ADCY3: variants seen among roughly 807,000 people sequenced by gnomAD.
ADCY3 encodes adenylate cyclase 3, also known as adenylate cyclase type 3.
ADCY3 carries 70 observed loss-of-function variants against 119.4 expected under a neutral mutation model. The ratio of observed to expected loss-of-function variants is 0.59; its 90% confidence interval spans 0.48 to 0.72. The LOEUF is 0.72. Among genes scored for constraint, ADCY3 ranks in the 30% least tolerant of loss-of-function variants. The pLI, the probability that ADCY3 is intolerant of heterozygous loss-of-function variation, is 0.00. For synonymous variants in ADCY3, 672 were observed against 621.4 expected, an observed-to-expected ratio of 1.08 and a Z score of -1.21; for missense variants, 1,238 against 1,541.6, an observed-to-expected ratio of 0.80 and a Z score of 3.30.
At chr2:24,877,791 C>CA (rs1334337501) in intron 2 of ADCY3, 1 of 438,752 alleles carries the variant, frequency 2.3e-6, no homozygotes, top group Non-Finnish European at 4.7e-6. Context: ...GACCACCAGA[C>CA]AGAGAGGGAA....
chr2:24,860,244 C>T (rs1336340256), intron 3 of ADCY3, among the ~76,000 whole-genome samples: 1 of 152,192 alleles, frequency 6.6e-6, no homozygotes, highest in Non-Finnish European at 1.5e-5. Context: ...GCTTAGCAAC[C>T]CTCAAGGTCC....
chr2:24,885,897 C>T (rs1676967192), intron 2 of ADCY3, among the ~76,000 whole-genome samples: 1 of 152,280 alleles, frequency 6.6e-6, no homozygotes, highest in Non-Finnish European at 1.5e-5. Flanking sequence ...GCCAAGCTGA[C>T]GTCCTCAGCA....
At chr2:24,845,300 G>A (rs1343333642) in intron 3 of ADCY3, among the ~76,000 whole-genome samples, 2 of 152,244 alleles carry the variant, frequency 1.3e-5, no homozygotes, top group Non-Finnish European at 2.9e-5. Context: ...AAACTGTGGG[G>A]AAGTCTGGAA....
At chr2:24,853,058 GTGTGTGTGT>G (rs1672570382) in intron 3 of ADCY3, among the ~76,000 whole-genome samples, 1 of 101,920 alleles carries the variant, frequency 9.8e-6, no homozygotes. Context: ...GTGTGTGTGT[GTGTGTGTGT>G]AGGGGTGTTA....
chr2:24,820,360 T>C, intron 21 of ADCY3: 1 of 1,325,808 alleles, frequency 7.5e-7, no homozygotes, highest in African/African-American at 1.5e-5. Context: ...ATGGCCATGG[T>C]CACCTGGGTG....
chr2:24,916,436 C>G (rs1664461565), intron 2 of ADCY3, among the ~76,000 whole-genome samples: 1 of 152,226 alleles, frequency 6.6e-6, no homozygotes, highest in African/African-American at 2.4e-5. Context: ...GTAATCCCAG[C>G]ACTTTGGGAG....
intron 14 of ADCY3, 40 bp downstream of exon 14, chr2:24,827,862 G>A: frequency 6.2e-7 from 1 of 1,608,764 alleles, no homozygotes; most frequent in Non-Finnish European, 8.5e-7. Flanking sequence ...CGGGCGGGAG[G>A]AAGGAGACAA....
intron 2 of ADCY3, among the ~76,000 whole-genome samples, chr2:24,874,457 A>G (rs1019788697): frequency 6.6e-6 from 1 of 152,196 alleles, no homozygotes; most frequent in African/African-American, 2.4e-5. Context: ...TTGGGGCCAG[A>G]AGGGAACTGT....
intron 7 of ADCY3, 104 bp from the exon 8 acceptor site, chr2:24,838,726 G>T: frequency 5.1e-6 from 8 of 1,583,386 alleles, no homozygotes; most frequent in Non-Finnish European, 6.9e-6. Context: ...GCTCGGCCCC[G>T]TGTCTCTCGG....
chr2:24,898,305 C>T lies in ADCY3; in HGVS notation c.675+20008G>A, dbSNP rs910422452. 1.3e-5 allele frequency among the ~76,000 whole-genome samples: 2 copies of T among 152,118 alleles called. No homozygotes were observed. Among genetic ancestry groups the T allele is most frequent in the Non-Finnish European group, 2.9e-5 (2 of 68,028 alleles). Reference sequence around the variant, plus strand: ...CCGGGGAGGCTCGAGGACCGCCTTTCCATCACCGTGGGGTGAGCCCCACCC... The same window carrying T: ...CCGGGGAGGCTCGAGGACCGCCTTTTCATCACCGTGGGGTGAGCCCCACCC... On this transcript the variant is annotated intron_variant, in intron 2 of 21. Transcript: ENST00000679454. The surrounding 1 kb of genome is among the most constrained non-coding windows in gnomAD (Gnocchi z 4.3).
intron 3 of ADCY3, among the ~76,000 whole-genome samples, chr2:24,853,130 T>C (rs972028299): frequency 6.6e-6 from 1 of 151,728 alleles, no homozygotes; most frequent in African/African-American, 2.4e-5. Flanking sequence ...CCTCCAGCCA[T>C]ATCAAACTAG....
At chr2:24,829,324 G>A (rs1669100250) in intron 13 of ADCY3, among the ~76,000 whole-genome samples, 1 of 150,058 alleles carries the variant, frequency 6.7e-6, no homozygotes, top group South Asian at 2.1e-4. Context: ...GCCCCCCACT[G>A]GACTTCTGAT....
At chr2:24,873,599 C>T (rs1276073389) in intron 2 of ADCY3, among the ~76,000 whole-genome samples, 2 of 152,228 alleles carry the variant, frequency 1.3e-5, no homozygotes, top group Non-Finnish European at 2.9e-5. Context: ...CTGAACATCC[C>T]AACCCTGCCT....
intron 3 of ADCY3, among the ~76,000 whole-genome samples, chr2:24,858,979 A>G (rs1558463163): frequency 6.6e-6 from 1 of 152,256 alleles, no homozygotes; most frequent in Non-Finnish European, 1.5e-5. Context: ...TGAAATGAAG[A>G]GCATTCTGTG....
At chr2:24,826,024 G>C (rs778387974) in intron 16 of ADCY3, 21 bp downstream of exon 16, 2 of 1,611,280 alleles carry the variant, frequency 1.2e-6, no homozygotes. Flanking sequence ...ACAGAGCGGG[G>C]ATCGTGCAGG....
At chr2:24,911,651 A>G (rs148134097) in intron 2 of ADCY3, among the ~76,000 whole-genome samples, 12 of 145,982 alleles carry the variant, frequency 8.2e-5, no homozygotes, top group Non-Finnish European at 1.3e-4. Flanking sequence ...AAAAAAAAAA[A>G]AAAAAAACAC....
At chr2:24,877,791 CAG>C (rs1397413451) in intron 2 of ADCY3, 1 of 438,752 alleles carries the variant, frequency 2.3e-6, no homozygotes, top group Non-Finnish European at 4.7e-6. Context: ...GACCACCAGA[CAG>C]AGAGGGAAGA....
At chr2:24,895,621 T>G (rs1240880951) in intron 2 of ADCY3, among the ~76,000 whole-genome samples, 1 of 151,664 alleles carries the variant, frequency 6.6e-6, no homozygotes, top group Admixed American at 6.6e-5. Flanking sequence ...TTTCTTTCTT[T>G]CTTCTTCTTT....
At chr2:24,868,783 G>A (rs954690639) in intron 3 of ADCY3, among the ~76,000 whole-genome samples, 3 of 152,142 alleles carry the variant, frequency 2.0e-5, no homozygotes, top group Non-Finnish European at 4.4e-5. Context: ...TTGGGAGACT[G>A]AGGCAGGCAG....
Sources: allele counts gnomAD v4.1 joint callset (sites outside exome capture counted in the v4.1 genomes callset), GRCh38; gene constraint gnomAD v4.1.1; non-coding constraint Gnocchi (gnomAD v3.1); transcripts MANE v1.5; gene names NCBI Gene and HGNC (gene_info 2026-07-23, HGNC 2026-07-21).